The following PABPC4L variants were observed in gnomAD, a reference collection of about 807,000 sequenced individuals.
The protein encoded by PABPC4L is polyadenylate-binding protein 4-like.
For missense variants in PABPC4L, 452 were observed against 451.4 expected (o/e 1.00, Z -0.01); for synonymous variants, 169 against 164.1 (o/e 1.03, Z -0.23).
the PABPC4L span, among the ~76,000 whole-genome samples, chr4:134,150,934 G>T: frequency 2.6e-5 from 4 of 152,076 alleles, no homozygotes; most frequent in Non-Finnish European, 4.4e-5. Context: ...ATTAATAAAC[G>T]AAACATGATA....
chr4:134,093,669 G>T, the PABPC4L span, among the ~76,000 whole-genome samples: 1 of 150,780 alleles, frequency 6.6e-6, no homozygotes, highest in East Asian at 2.0e-4. Context: ...CACCATCAGG[G>T]TCAGAGGAAA....
the PABPC4L span, among the ~76,000 whole-genome samples, chr4:133,978,306 G>T: frequency 2.0e-5 from 3 of 152,112 alleles, no homozygotes; most frequent in African/African-American, 7.2e-5. Flanking sequence ...AGAAAAGAGA[G>T]ATAGTAAAAA....
the PABPC4L span, among the ~76,000 whole-genome samples, chr4:133,964,809 G>C: frequency 2.0e-5 from 3 of 151,986 alleles, no homozygotes; most frequent in Non-Finnish European, 2.9e-5. Flanking sequence ...GCATACAAGA[G>C]ACATACCTCA....
At chr4:134,004,717 C>T in the PABPC4L span, among the ~76,000 whole-genome samples, 1 of 151,828 alleles carries the variant, frequency 6.6e-6, no homozygotes, top group South Asian at 2.1e-4. Context: ...CCTAAATGCT[C>T]ATCAACAAAT....
the PABPC4L span, among the ~76,000 whole-genome samples, chr4:134,187,189 C>T: frequency 4.6e-5 from 7 of 151,984 alleles, no homozygotes; most frequent in East Asian, 1.9e-4. Context: ...CATCCCATTA[C>T]GGGACATATA....
chr4:134,005,997 G>A, the PABPC4L span, among the ~76,000 whole-genome samples: 4 of 152,050 alleles, frequency 2.6e-5, no homozygotes, highest in Non-Finnish European at 5.9e-5. Context: ...TTTCAATGCA[G>A]ACATGATTAG....
the PABPC4L span, among the ~76,000 whole-genome samples, chr4:133,961,297 A>G: frequency 5.3e-5 from 8 of 152,126 alleles, no homozygotes; most frequent in Admixed American, 5.2e-4. Context: ...AAGTGGCTAG[A>G]CCCAGAAGAG....
chr4:134,153,580 G>A, the PABPC4L span, among the ~76,000 whole-genome samples: 1 of 151,872 alleles, frequency 6.6e-6, no homozygotes, highest in African/African-American at 2.4e-5. Flanking sequence ...TATACTTTTG[G>A]ATACTTTTCC....
At chr4:133,983,226 G>A in the PABPC4L span, among the ~76,000 whole-genome samples, 1 of 151,920 alleles carries the variant, frequency 6.6e-6, no homozygotes, top group Non-Finnish European at 1.5e-5. Flanking sequence ...TGTACTAATT[G>A]GAAAAGTTAC....
the PABPC4L span, among the ~76,000 whole-genome samples, chr4:133,951,106 TTTTG>T: frequency 3.9e-5 from 6 of 152,270 alleles, no homozygotes; most frequent in South Asian, 2.1e-4. Context: ...TTGTTTGTTT[TTTTG>T]TTTGTTTGTT....
rs1287315943 is a variant in PABPC4L at position 134,198,543 on chromosome 4, A to AG, written c.*1363_*1364insC. 6.6e-6 allele frequency: 1 copy of AG among 151,560 alleles called. No homozygotes were observed. The allele number at this position is 151,560 out of a possible 1,614,324, so 9.4% of individuals were successfully genotyped here. A position where few individuals can be genotyped will look rare whatever the true frequency, so the allele number is the denominator to read the frequency against. On this transcript the variant is annotated 3_prime_UTR_variant, in exon 2 of 2. Coordinates refer to ENST00000421491, the MANE Select transcript of PABPC4L (RefSeq NM_001114734.2). ...ATGTGAATAATAGTTATGAGAAAAA[A>AG]CTAAGCCAAGTAAAAATATGAAAAC...
the PABPC4L span, among the ~76,000 whole-genome samples, chr4:134,143,984 A>G: frequency 2.0e-5 from 3 of 151,596 alleles, no homozygotes; most frequent in Admixed American, 6.6e-5. Flanking sequence ...AGATCTTCTG[A>G]TGACAATTGA....
At chr4:134,105,303 A>AT in the PABPC4L span, among the ~76,000 whole-genome samples, 3 of 151,800 alleles carry the variant, frequency 2.0e-5, no homozygotes, top group African/African-American at 7.2e-5. Context: ...TTAAACAAAA[A>AT]TAGCCCAATA....
At chr4:133,974,370 T>G in the PABPC4L span, among the ~76,000 whole-genome samples, 2 of 152,076 alleles carry the variant, frequency 1.3e-5, no homozygotes, top group Non-Finnish European at 2.9e-5. Context: ...AGATCAGAGA[T>G]GTAAATATAA....
chr4:134,175,192 C>T, the PABPC4L span, among the ~76,000 whole-genome samples: 1 of 152,044 alleles, frequency 6.6e-6, no homozygotes, highest in Non-Finnish European at 1.5e-5. Flanking sequence ...CGAAAAGTAG[C>T]TTTGAGTATC....
At chr4:134,183,658 T>G in the PABPC4L span, among the ~76,000 whole-genome samples, 1 of 151,894 alleles carries the variant, frequency 6.6e-6, no homozygotes, top group Non-Finnish European at 1.5e-5. Context: ...AGTAAATGTG[T>G]TTCCATATAT....
the PABPC4L span, among the ~76,000 whole-genome samples, chr4:133,983,642 G>A: frequency 6.6e-6 from 1 of 151,736 alleles, no homozygotes; most frequent in Non-Finnish European, 1.5e-5. Context: ...ATTAGAACCA[G>A]ATTTTTATAA....
the PABPC4L span, among the ~76,000 whole-genome samples, chr4:134,106,423 T>C: frequency 6.6e-6 from 1 of 151,346 alleles, no homozygotes; most frequent in Non-Finnish European, 1.5e-5. Flanking sequence ...ATCTCATTCA[T>C]TCATATGCTA....
the PABPC4L span, among the ~76,000 whole-genome samples, chr4:133,980,777 A>G: frequency 2.6e-5 from 4 of 152,206 alleles, no homozygotes; most frequent in Non-Finnish European, 5.9e-5. Flanking sequence ...AAAAATGATC[A>G]TCTTAGAAAT....
Sources: gnomAD v4.1 joint callset for allele counts (sites outside exome capture counted in the v4.1 genomes callset) on GRCh38, gnomAD v4.1.1 for gene constraint, MANE v1.5 for transcripts, NCBI Gene and HGNC (gene_info 2026-07-23, HGNC 2026-07-21) for gene names.